VSTM2B: variants seen among roughly 807,000 people sequenced by gnomAD.
VSTM2B encodes the protein V-set and transmembrane domain containing 2B.
A neutral mutation model predicts 24.0 loss-of-function variants in VSTM2B; 24 were observed. The observed-to-expected ratio is 1.00, with a 90% confidence interval of 0.72 to 1.40. The LOEUF (loss-of-function observed/expected upper bound fraction) is 1.40. Among genes scored for constraint, VSTM2B ranks in the 40% most tolerant of loss-of-function variants. The pLI, the probability that VSTM2B is intolerant of heterozygous loss-of-function variation, is 0.00. For missense variants in VSTM2B, 399 were observed against 416.4 expected (o/e 0.96, Z 0.36); for synonymous variants, 226 against 194.4 (o/e 1.16, Z -1.35).
Position 29,527,306 on chromosome 19 carries a change from T to G in VSTM2B, c.178T>G (p.Ser60Ala), listed in dbSNP as rs1217318840. ...CCGGGCCAGCGGAGCCACCTCGTAT[T>G]CGCTGGAGATTCAGTGGTGGTACCT... ...AFRASGATSY[S>A]LEIQWWYLKE... The change falls in exon 2 of 5, where the codon TCG (serine) becomes GCG (alanine). Residue 60 changes from serine to alanine, a missense_variant. Coordinates refer to ENST00000335523, the MANE Select transcript of VSTM2B (RefSeq NM_001146339.2). The G allele has an allele frequency of 6.5e-7, 1 of 1,550,294 alleles. No individual in the cohort carries two copies. Among genetic ancestry groups the G allele is most frequent in the South Asian group, 1.2e-5 (1 of 83,978 alleles).
chr19:29,552,481 C>T (rs1970309416), intron 4 of VSTM2B, among the ~76,000 whole-genome samples: 1 of 152,204 alleles, frequency 6.6e-6, no homozygotes, highest in Non-Finnish European at 1.5e-5. Context: ...GCAAGGGAAG[C>T]ACCTACCACC....
rs557186350 is a variant in VSTM2B at position 29,527,278 on chromosome 19, G to T, written c.150G>T (p.Ala50=). The T allele has an allele frequency of 6.4e-7, 1 of 1,550,512 alleles. No individual in the cohort carries two copies. Among genetic ancestry groups the T allele is most frequent in the East Asian group, 2.4e-5 (1 of 40,868 alleles). Residue 50 remains alanine, a synonymous_variant, in exon 2 of 5, where the codon GCG becomes GCT. Coordinates refer to ENST00000335523, the MANE Select transcript of VSTM2B (RefSeq NM_001146339.2). ...GAGACGACATCGAAATGCCCTGCGC[G>T]TTCCGGGCCAGCGGAGCCACCTCGT... The part of the protein sequence containing the change: ...REGDDIEMPC[A]FRASGATSYS...
rs902086324 is a variant in VSTM2B, at chr19:29,564,331, T to C, written c.*397T>C. On this transcript the variant is annotated 3_prime_UTR_variant, in exon 5 of 5. Transcript: ENST00000335523. ...TTTTAGTAGATTATTGTGTTTAGGA[T>C]TTTTTTTTAATTTACTTTTTTTCTT... 1.3e-5 allele frequency: 2 copies of C among 152,134 alleles called. No homozygotes were observed. Among genetic ancestry groups the C allele is most frequent in the African/African-American group, 4.8e-5 (2 of 41,350 alleles). The allele number at this position is 152,134 out of a possible 1,614,324, so 9.4% of individuals were successfully genotyped here. A position where few individuals can be genotyped will look rare whatever the true frequency, so the allele number is the denominator to read the frequency against.
At chr19:29,546,391 C>G (rs960819079) in intron 4 of VSTM2B, among the ~76,000 whole-genome samples, 6 of 152,164 alleles carry the variant, frequency 3.9e-5, no homozygotes, top group African/African-American at 1.4e-4. Flanking sequence ...CTGGAGATAA[C>G]CTTCTACCAC....
intron 4 of VSTM2B, among the ~76,000 whole-genome samples, chr19:29,537,605 T>C (rs2145479020): frequency 6.6e-6 from 1 of 152,056 alleles, no homozygotes; most frequent in Non-Finnish European, 1.5e-5. Flanking sequence ...CTCTGGTTCT[T>C]GCAGTTCAAG....
intron 4 of VSTM2B, among the ~76,000 whole-genome samples, chr19:29,534,805 C>A (rs959745036): frequency 6.6e-6 from 1 of 152,102 alleles, no homozygotes; most frequent in Non-Finnish European, 1.5e-5. Context: ...GGGGCGGTCC[C>A]AGTACATCTC....
chr19:29,546,440 T>A (rs1463956895), intron 4 of VSTM2B, among the ~76,000 whole-genome samples: 1 of 151,866 alleles, frequency 6.6e-6, no homozygotes, highest in Non-Finnish European at 1.5e-5. Context: ...ACCCAACCTC[T>A]CTGGGCCTCA....
chr19:29,531,249 C>T (rs1969751786), intron 4 of VSTM2B, among the ~76,000 whole-genome samples: 1 of 152,190 alleles, frequency 6.6e-6, no homozygotes, highest in African/African-American at 2.4e-5. Context: ...TTGCTCCCTC[C>T]CTTGGCCCCT....
Position 29,526,878 on chromosome 19 carries a change from G to A in VSTM2B, c.82+213G>A, listed in dbSNP as rs1192912974. 3 of 500,362 alleles carry A rather than the reference G, an allele frequency of 6.0e-6. No homozygotes were observed. Among genetic ancestry groups the A allele is most frequent in the Admixed American group, 7.8e-5 (2 of 25,772 alleles). 31.0% of individuals were successfully genotyped at this position (500,362 alleles called of 1,614,324 possible). ...CCGAGTCGTTCCCAGTCCCGCCGGGGCCCCGGCTGCGGAAAGGATGCCTGC... is the reference window on the plus strand; with the variant it reads ...CCGAGTCGTTCCCAGTCCCGCCGGGACCCCGGCTGCGGAAAGGATGCCTGC... On this transcript the variant is annotated intron_variant, in intron 1 of 4. Transcript: ENST00000335523. The surrounding 1 kb of genome is among the most constrained non-coding windows in gnomAD (Gnocchi z 4.1).
At chr19:29,545,844 T>A (rs903753399) in intron 4 of VSTM2B, among the ~76,000 whole-genome samples, 2 of 151,894 alleles carry the variant, frequency 1.3e-5, no homozygotes, top group Non-Finnish European at 2.9e-5. Flanking sequence ...ATGTACCCCC[T>A]GATTCTAAAA....
chr19:29,560,829 G>A (rs747894122), intron 4 of VSTM2B, among the ~76,000 whole-genome samples: 5 of 152,130 alleles, frequency 3.3e-5, no homozygotes, highest in Admixed American at 6.5e-5. Context: ...CCATGCCAAC[G>A]GTCCCATGGG....
At chr19:29,529,521 C>T (rs1216353148) in intron 3 of VSTM2B, among the ~76,000 whole-genome samples, 3 of 152,164 alleles carry the variant, frequency 2.0e-5, no homozygotes, top group African/African-American at 7.2e-5. Flanking sequence ...GCGCCAGCTA[C>T]GGGAAGACAA....
intron 4 of VSTM2B, among the ~76,000 whole-genome samples, chr19:29,534,583 G>A (rs1483761795): frequency 6.6e-6 from 1 of 152,154 alleles, no homozygotes; most frequent in Admixed American, 6.5e-5. Flanking sequence ...GGGTGTGGTG[G>A]CAGGCACCTG....
chr19:29,555,276 T>A (rs1340699263), intron 4 of VSTM2B, among the ~76,000 whole-genome samples: 2 of 152,068 alleles, frequency 1.3e-5, no homozygotes, highest in Non-Finnish European at 2.9e-5. Context: ...CACGACCATA[T>A]GAAAATGGAA....
chr19:29,545,572 C>T (rs1180059490), intron 4 of VSTM2B, among the ~76,000 whole-genome samples: 2 of 152,168 alleles, frequency 1.3e-5, no homozygotes, highest in African/African-American at 4.8e-5. Flanking sequence ...AAAATCATGC[C>T]ATTGCACGCC....
At position 29,528,348 on chromosome 19, in the gene VSTM2B, G is replaced by A. The variant is rs1484650551; in HGVS notation, c.268-85G>A. The A allele has an allele frequency of 1.2e-5, 19 of 1,531,660 alleles. No homozygotes were observed. In the East Asian group the frequency reaches 3.9e-4, roughly 32 times the overall value. 94.9% of individuals were successfully genotyped at this position (1,531,660 alleles called of 1,614,324 possible). On this transcript the variant is annotated intron_variant, in intron 2 of 4. Coordinates refer to ENST00000335523, the MANE Select transcript of VSTM2B (RefSeq NM_001146339.2). The stretch of plus-strand genomic sequence containing the variant: ...TTTCGGTCCTAGCCTGCCGGAGGAG[G>A]GTGCCCTTGCCTAAAGGCGGATCCG...
chr19:29,540,280 G>A (rs1292674519), intron 4 of VSTM2B, among the ~76,000 whole-genome samples: 1 of 152,248 alleles, frequency 6.6e-6, no homozygotes, highest in Non-Finnish European at 1.5e-5. Context: ...CCAGGTAGGA[G>A]CTCATGGTCT....
intron 4 of VSTM2B, among the ~76,000 whole-genome samples, chr19:29,539,658 G>A (rs1444180394): frequency 1.3e-5 from 2 of 152,214 alleles, no homozygotes; most frequent in African/African-American, 4.8e-5. Flanking sequence ...CCTGCATTTT[G>A]CTTTTCATGT....
intron 4 of VSTM2B, among the ~76,000 whole-genome samples, chr19:29,552,058 C>G (rs1388951952): frequency 1.3e-5 from 2 of 152,162 alleles, no homozygotes; most frequent in Non-Finnish European, 2.9e-5. Flanking sequence ...ACAGTGTGAT[C>G]CTGGGCAACA....
Sources: gnomAD v4.1 joint callset for allele counts (sites outside exome capture counted in the v4.1 genomes callset) on GRCh38, gnomAD v4.1.1 for gene constraint, Gnocchi (gnomAD v3.1) non-coding constraint, MANE v1.5 for transcripts, NCBI Gene and HGNC (gene_info 2026-07-23, HGNC 2026-07-21) for gene names.